Variants in NPHP4 observed in about 807,000 individuals in gnomAD.
NPHP4 encodes the protein nephrocystin 4, also known as nephrocystin-4.
NPHP4 carries 151 observed loss-of-function variants against 155.8 expected under a neutral mutation model. The observed-to-expected ratio is 0.97, with a 90% CI of 0.85 to 1.11. The LOEUF (loss-of-function observed/expected upper bound fraction) is 1.11. Among genes scored for constraint, NPHP4 ranks in the 50% least tolerant of loss-of-function variants. The pLI, the probability that NPHP4 is intolerant of heterozygous loss-of-function variation, is 0.00. For missense variants in NPHP4, 1,956 were observed against 1,925.7 expected (o/e 1.02, Z -0.29); for synonymous variants, 845 against 816.8 (o/e 1.03, Z -0.59).
chr1:5,867,685 A>ACTT lies in NPHP4; in HGVS notation c.3472+52_3472+54dup. 6.3e-7 allele frequency: 1 copy of ACTT among 1,582,692 alleles called. No homozygotes were observed. The highest frequency in any genetic ancestry group is 1.3e-5 in the African/African-American group (1 of 74,712). On this transcript the variant is annotated intron_variant, in intron 24 of 29. Transcript: ENST00000378156. The surrounding 1 kb of genome is among the most constrained non-coding windows in gnomAD (Gnocchi z 4.1). ...CATCTGTCACCCTCAAGAGGTATCTACTTCCAACAGGTGAGCCTGCAACAT... is the reference window on the plus strand; with the variant it reads ...CATCTGTCACCCTCAAGAGGTATCTACTTCTTCCAACAGGTGAGCCTGCAACAT...
At chr1:5,917,688 T>G (rs956312264) in intron 11 of NPHP4, among the ~76,000 whole-genome samples, 3 of 152,144 alleles carry the variant, frequency 2.0e-5, no homozygotes, top group Non-Finnish European at 2.9e-5. Flanking sequence ...AATGAAACAG[T>G]CCCCACCGTG....
chr1:5,873,081 A>G (rs1312003741), intron 23 of NPHP4, among the ~76,000 whole-genome samples, 171 bp downstream of exon 23: 3 of 152,136 alleles, frequency 2.0e-5, no homozygotes, highest in Admixed American at 2.0e-4. Context: ...GCCCAGACGG[A>G]GCTGCCCTGC....
intron 12 of NPHP4, 120 bp downstream of exon 12, chr1:5,909,032 G>A: frequency 1.2e-6 from 1 of 843,964 alleles, no homozygotes; most frequent in South Asian, 1.4e-5. Flanking sequence ...CCGCCAGCAG[G>A]CCCTCCCCAG....
intron 3 of NPHP4, among the ~76,000 whole-genome samples, chr1:5,970,814 T>G (rs1251207807): frequency 1.3e-5 from 2 of 152,034 alleles, no homozygotes; most frequent in African/African-American, 4.8e-5. Flanking sequence ...TCACAGACTG[T>G]CAGCCCAGGA....
rs1004207707 is a variant in NPHP4, at chr1:5,917,855, C to T, written c.1442-8642G>A. 2.0e-5 allele frequency among the ~76,000 whole-genome samples: 3 copies of T among 152,094 alleles called. No homozygotes were observed. The South Asian group carries it at 6.2e-4, about 32-fold the overall frequency. On this transcript the variant is annotated intron_variant, in intron 11 of 29. Transcript: ENST00000378156. ...TCTAACCCGGGAGGGGGAGAAGTGA[C>T]GTGTGCCATTTCTGGGCCAGAGCCG...
chr1:5,899,909 A>G (rs1026107467), intron 16 of NPHP4, among the ~76,000 whole-genome samples: 6 of 152,242 alleles, frequency 3.9e-5, no homozygotes. Flanking sequence ...CAGGTATCTG[A>G]GCAGAAATCT....
At chr1:5,868,601 C>T (rs1641531113) in intron 23 of NPHP4, among the ~76,000 whole-genome samples, 1 of 151,172 alleles carries the variant, frequency 6.6e-6, no homozygotes, top group Admixed American at 6.6e-5. Context: ...CACCCACATG[C>T]ATGCAGGCAC....
chr1:5,874,740 G>C, intron 21 of NPHP4, 83 bp from the exon 22 acceptor site: 1 of 1,527,464 alleles, frequency 6.5e-7, no homozygotes, highest in Non-Finnish European at 9.0e-7. Context: ...ACCGAGAGCG[G>C]TGCTCAGAGG....
chr1:5,868,962 C>T (rs537033993), intron 23 of NPHP4, among the ~76,000 whole-genome samples: 1 of 145,282 alleles, frequency 6.9e-6, no homozygotes, highest in African/African-American at 2.5e-5. Context: ...ACACAATGCA[C>T]ACACACATGC....
At chr1:5,988,912 G>A (rs191078617) in intron 1 of NPHP4, among the ~76,000 whole-genome samples, 2 of 152,224 alleles carry the variant, frequency 1.3e-5, no homozygotes, top group Admixed American at 1.3e-4. Flanking sequence ...TATTCCTGAG[G>A]ACCAGACTCA....
At chr1:5,988,687 T>C (rs1655822623) in intron 1 of NPHP4, among the ~76,000 whole-genome samples, 1 of 152,222 alleles carries the variant, frequency 6.6e-6, no homozygotes, top group Non-Finnish European at 1.5e-5. Context: ...GTTCACCCCC[T>C]GCATGCTCCC....
chr1:5,930,406 T>G (rs1339241703), intron 10 of NPHP4, among the ~76,000 whole-genome samples: 1 of 152,222 alleles, frequency 6.6e-6, no homozygotes, highest in Non-Finnish European at 1.5e-5. Flanking sequence ...TTAAGATCTT[T>G]TTTCTGTTCT....
chr1:5,868,311 G>A (rs973210336), intron 23 of NPHP4: 10 of 333,136 alleles, frequency 3.0e-5, no homozygotes, highest in Admixed American at 1.3e-4. Flanking sequence ...CCAAGTTCGC[G>A]GTCAAGCACG....
In NPHP4 at chr1:5,964,939, A is replaced by ATTTTTTT. The variant is rs1232148646; in HGVS notation, c.517+2359_517+2360insAAAAAAA. ...ATATTATATATATATATATATATAT[A>ATTTTTTT]TATTTTTTTTTTTTGAGGCAGGGTC... On this transcript the variant is annotated intron_variant, in intron 5 of 29. Coordinates refer to ENST00000378156, the MANE Select transcript of NPHP4 (RefSeq NM_015102.5). Among the ~76,000 whole-genome samples, 37 of 62,700 alleles carry ATTTTTTT rather than the reference A, an allele frequency of 5.9e-4. 1 individual carries two copies. The highest frequency in any genetic ancestry group is 6.9e-4 in the African/African-American group (9 of 13,044). 41.1% of individuals were successfully genotyped at this position (62,700 alleles called of 152,430 possible).
At chr1:5,909,024 G>T in intron 12 of NPHP4, 128 bp downstream of exon 12, 1 of 799,362 alleles carries the variant, frequency 1.3e-6, no homozygotes. Flanking sequence ...CCCCGCCGCC[G>T]CCAGCAGGCC....
chr1:5,978,244 C>G, intron 3 of NPHP4, 26 bp downstream of exon 3: 1 of 1,593,402 alleles, frequency 6.3e-7, no homozygotes, highest in Non-Finnish European at 8.5e-7. Context: ...CTTGGAGCAG[C>G]CCCTGCCACC....
intron 16 of NPHP4, among the ~76,000 whole-genome samples, chr1:5,896,809 C>T (rs1644416496): frequency 6.6e-6 from 1 of 152,118 alleles, no homozygotes; most frequent in Non-Finnish European, 1.5e-5. Context: ...AGGGAGAGCA[C>T]AAGATGAGCC....
chr1:5,942,587 C>CAAA lies in NPHP4; in HGVS notation c.1119+4514_1119+4516dup, dbSNP rs34438938. The stretch of plus-strand genomic sequence containing the variant: ...ATATTAAAAATAAAATCATAAATGA[C>CAAA]AAAAAAAAAAAAAAAAAGCTGAGGA... On this transcript the variant is annotated intron_variant, in intron 9 of 29. Transcript: ENST00000378156. Among the ~76,000 whole-genome samples the CAAA allele has an allele frequency of 2.5e-3, 205 of 82,730 alleles. 4 individuals are homozygous for CAAA. Among genetic ancestry groups the CAAA allele is most frequent in the African/African-American group, 8.8e-3 (183 of 20,866 alleles). 54.3% of individuals were successfully genotyped at this position (82,730 alleles called of 152,430 possible).
At chr1:5,894,931 C>T (rs539565144) in intron 16 of NPHP4, among the ~76,000 whole-genome samples, 1 of 152,172 alleles carries the variant, frequency 6.6e-6, no homozygotes, top group East Asian at 1.9e-4. Flanking sequence ...GTGGAACCAA[C>T]CCAAATGTCC....
Sources: allele counts gnomAD v4.1 joint callset (sites outside exome capture counted in the v4.1 genomes callset), GRCh38; gene constraint gnomAD v4.1.1; non-coding constraint Gnocchi (gnomAD v3.1); transcripts MANE v1.5; gene names NCBI Gene and HGNC (gene_info 2026-07-23, HGNC 2026-07-21).